The following GLIS3 variants were observed in gnomAD, a reference collection of about 807,000 sequenced individuals.
GLIS3 encodes the protein zinc finger protein GLIS3.
GLIS3 carries 53 observed loss-of-function variants against 78.6 expected under a neutral mutation model. That is an observed-to-expected ratio of 0.67 (90% CI 0.54 to 0.85). The LOEUF (loss-of-function observed/expected upper bound fraction) is 0.85. Among genes scored for constraint, GLIS3 ranks in the 40% least tolerant of loss-of-function variants. The probability of loss-of-function intolerance (pLI) is 0.00; values close to 1 mark genes in which losing one functional copy is unlikely to be tolerated. For missense variants in GLIS3, 1,703 were observed against 1,231.1 expected (o/e 1.38, Z -5.74); for synonymous variants, 684 against 509.9 (o/e 1.34, Z -4.60).
the GLIS3 span, among the ~76,000 whole-genome samples, chr9:4,368,741 C>T: frequency 0.029 from 4,421 of 152,256 alleles, 102 homozygotes; most frequent in Non-Finnish European, 0.042. Context: ...ACCTTGGCTC[C>T]TCAGCTTTAA....
intron 2 of GLIS3, among the ~76,000 whole-genome samples, chr9:4,150,047 A>AAC (rs59500562): frequency 0.26 from 39,041 of 151,892 alleles, 6,889 homozygotes; most frequent in African/African-American, 0.5. Flanking sequence ...TGCACACATA[A>AAC]ACACACACAC....
the GLIS3 span, among the ~76,000 whole-genome samples, chr9:4,480,837 A>C: frequency 7.3e-6 from 1 of 137,204 alleles, no homozygotes; most frequent in East Asian, 2.0e-4. Flanking sequence ...CCTTCATTGA[A>C]AAAAAAAAAA....
chr9:4,096,860 A>C (rs1370658193), intron 4 of GLIS3, among the ~76,000 whole-genome samples: 1 of 152,122 alleles, frequency 6.6e-6, no homozygotes, highest in Non-Finnish European at 1.5e-5. Flanking sequence ...AAAAATACAG[A>C]AATTAACCAG....
intron 9 of GLIS3, among the ~76,000 whole-genome samples, chr9:3,834,064 G>A (rs561592687): frequency 2.6e-5 from 4 of 152,244 alleles, no homozygotes; most frequent in East Asian, 1.9e-4. Context: ...AAACTGAAAC[G>A]TTTTATACAT....
At chr9:4,462,451 G>T in the GLIS3 span, among the ~76,000 whole-genome samples, 1 of 152,096 alleles carries the variant, frequency 6.6e-6, no homozygotes, top group African/African-American at 2.4e-5. Flanking sequence ...CCACAGATCA[G>T]AGAGTTAAAA....
chr9:3,984,952 G>C (rs544529343), intron 4 of GLIS3, among the ~76,000 whole-genome samples: 3 of 152,024 alleles, frequency 2.0e-5, no homozygotes, highest in African/African-American at 7.2e-5. Flanking sequence ...TGACTTGCTC[G>C]TCCTTGCCTT....
chr9:4,273,902 C>A (rs765569611), intron 2 of GLIS3, among the ~76,000 whole-genome samples: 4 of 152,142 alleles, frequency 2.6e-5, no homozygotes, highest in Non-Finnish European at 5.9e-5. Flanking sequence ...CCATTTCGTA[C>A]CCTGCCCTGC....
chr9:4,201,108 G>T (rs1408177116), intron 2 of GLIS3, among the ~76,000 whole-genome samples: 1 of 152,124 alleles, frequency 6.6e-6, no homozygotes, highest in African/African-American at 2.4e-5. Flanking sequence ...AATAGATGCA[G>T]AAAAAGCTTT....
At chr9:4,319,443 C>A (rs1011317895) in intron 2 of GLIS3, among the ~76,000 whole-genome samples, 8 of 152,126 alleles carry the variant, frequency 5.3e-5, no homozygotes, top group Non-Finnish European at 1.0e-4. Flanking sequence ...TTTCTGAGAA[C>A]TTGACGTTTT....
intron 2 of GLIS3, among the ~76,000 whole-genome samples, chr9:4,227,609 C>T (rs1821886523): frequency 6.6e-6 from 1 of 152,148 alleles, no homozygotes; most frequent in Non-Finnish European, 1.5e-5. Flanking sequence ...ACTGCAAGAG[C>T]TTTCAGGAAC....
intron 2 of GLIS3, among the ~76,000 whole-genome samples, chr9:4,256,164 A>C (rs1166172495): frequency 2.0e-5 from 3 of 152,190 alleles, no homozygotes; most frequent in African/African-American, 7.2e-5. Context: ...ACCCCAGGTA[A>C]AGCACCTCTA....
the GLIS3 span, among the ~76,000 whole-genome samples, chr9:4,426,989 C>T: frequency 2.0e-5 from 3 of 152,160 alleles, no homozygotes; most frequent in Admixed American, 2.0e-4. Context: ...AGAGTAGAGC[C>T]CATGTCTTAG....
chr9:3,911,240 C>G (rs749998075), intron 6 of GLIS3, among the ~76,000 whole-genome samples: 8 of 152,180 alleles, frequency 5.3e-5, no homozygotes, highest in African/African-American at 9.7e-5. Flanking sequence ...GTTCCCTGCT[C>G]TCACAGAGTT....
chr9:3,990,959 TG>T (rs1820185772), intron 4 of GLIS3, among the ~76,000 whole-genome samples: 1 of 152,148 alleles, frequency 6.6e-6, no homozygotes. Context: ...AATGTCTAAG[TG>T]AAGCAGTTTT....
intron 5 of GLIS3, among the ~76,000 whole-genome samples, chr9:3,935,008 T>G (rs1251536509): frequency 1.3e-5 from 2 of 152,188 alleles, no homozygotes; most frequent in African/African-American, 4.8e-5. Context: ...TTAATACAAC[T>G]TTTAAGGGTT....
intron 4 of GLIS3, among the ~76,000 whole-genome samples, chr9:4,025,074 AC>A (rs113278416): frequency 0.15 from 22,166 of 151,696 alleles, 1,698 homozygotes; most frequent in African/African-American, 0.18. Context: ...AAATGGCGAG[AC>A]CCCCATCTCT....
At chr9:3,843,114 T>C (rs1818821583) in intron 9 of GLIS3, among the ~76,000 whole-genome samples, 1 of 152,232 alleles carries the variant, frequency 6.6e-6, no homozygotes, top group African/African-American at 2.4e-5. Context: ...AGTCTTGTTC[T>C]CACTGTTGGT....
intron 4 of GLIS3, among the ~76,000 whole-genome samples, chr9:4,025,549 G>A (rs1320084642): frequency 2.0e-5 from 3 of 151,986 alleles, no homozygotes; most frequent in South Asian, 2.1e-4. Flanking sequence ...CACCATGCCT[G>A]GCTAATTTTT....
At chr9:3,870,726 A>G (rs1420765561) in intron 8 of GLIS3, among the ~76,000 whole-genome samples, 2 of 152,234 alleles carry the variant, frequency 1.3e-5, no homozygotes, top group Non-Finnish European at 2.9e-5. Context: ...GGTCCCTCCC[A>G]CAACACATGG....
Sources: gnomAD v4.1 joint callset for allele counts (sites outside exome capture counted in the v4.1 genomes callset) on GRCh38, gnomAD v4.1.1 for gene constraint, MANE v1.5 for transcripts, NCBI Gene and HGNC (gene_info 2026-07-23, HGNC 2026-07-21) for gene names.